CSTPP1: variants seen among roughly 807,000 people sequenced by gnomAD.
CSTPP1 encodes the protein UPF0705 protein C11orf49.
chr11:47,101,386 A>G, the CSTPP1 span, among the ~76,000 whole-genome samples: 25 of 150,982 alleles, frequency 1.7e-4, no homozygotes, highest in East Asian at 4.9e-3. Flanking sequence ...TGACTTGCCA[A>G]CCTCTAATTC....
the CSTPP1 span, among the ~76,000 whole-genome samples, chr11:47,055,820 T>C: frequency 1.3e-5 from 2 of 152,232 alleles, no homozygotes; most frequent in African/African-American, 4.8e-5. Context: ...AAGTACTTAG[T>C]GTACTGAGGA....
the CSTPP1 span, among the ~76,000 whole-genome samples, chr11:46,996,882 C>A: frequency 7.2e-5 from 11 of 152,160 alleles, no homozygotes; most frequent in African/African-American, 2.6e-4. Context: ...GAATATTGGC[C>A]CCCACTCTCT....
the CSTPP1 span, chr11:47,137,908 C>T: frequency 7.9e-6 from 5 of 635,522 alleles, no homozygotes; most frequent in East Asian, 8.3e-5. Flanking sequence ...CAAAGGGAAG[C>T]GAAATGATCC....
At chr11:46,978,005 T>C in the CSTPP1 span, among the ~76,000 whole-genome samples, 1 of 152,220 alleles carries the variant, frequency 6.6e-6, no homozygotes, top group Non-Finnish European at 1.5e-5. Flanking sequence ...GTTTCCCACC[T>C]GGGAGGCACA....
At chr11:47,085,524 C>T in the CSTPP1 span, among the ~76,000 whole-genome samples, 1 of 152,180 alleles carries the variant, frequency 6.6e-6, no homozygotes, top group Admixed American at 6.5e-5. Flanking sequence ...TGCAGTCAAA[C>T]GTAGTTGAGA....
chr11:47,024,078 G>A, the CSTPP1 span, among the ~76,000 whole-genome samples: 1 of 151,200 alleles, frequency 6.6e-6, no homozygotes, highest in Non-Finnish European at 1.5e-5. Context: ...AAGTGAGACA[G>A]GGTCTCACTT....
At chr11:46,950,346 T>G in the CSTPP1 span, among the ~76,000 whole-genome samples, 2 of 151,202 alleles carry the variant, frequency 1.3e-5, no homozygotes, top group Admixed American at 1.3e-4. Context: ...GCTAATTTTT[T>G]GTATTTTTAG....
At chr11:47,047,338 A>G in the CSTPP1 span, among the ~76,000 whole-genome samples, 96 of 152,368 alleles carry the variant, frequency 6.3e-4, no homozygotes, top group Non-Finnish European at 1.1e-3. Context: ...CAACTATAAA[A>G]CTAGCTATGA....
the CSTPP1 span, among the ~76,000 whole-genome samples, chr11:47,046,299 A>G: frequency 6.6e-6 from 1 of 151,800 alleles, no homozygotes; most frequent in African/African-American, 2.4e-5. Context: ...AAAAAAAAAA[A>G]ACTTCTAGAG....
chr11:47,136,998 AGCATT>A, the CSTPP1 span, among the ~76,000 whole-genome samples: 1 of 152,190 alleles, frequency 6.6e-6, no homozygotes, highest in Non-Finnish European at 1.5e-5. Flanking sequence ...CAAAGCACAA[AGCATT>A]GCTTCTGTAT....
chr11:47,031,074 T>C, the CSTPP1 span, among the ~76,000 whole-genome samples: 1 of 152,244 alleles, frequency 6.6e-6, no homozygotes, highest in African/African-American at 2.4e-5. Flanking sequence ...TTCTTGGTAG[T>C]CCCTGAGCTA....
the CSTPP1 span, among the ~76,000 whole-genome samples, chr11:47,002,867 T>C: frequency 6.6e-6 from 1 of 152,226 alleles, no homozygotes; most frequent in Non-Finnish European, 1.5e-5. Flanking sequence ...ATAAATAATA[T>C]GAAGGATCTT....
the CSTPP1 span, among the ~76,000 whole-genome samples, chr11:47,079,948 T>A: frequency 6.6e-6 from 1 of 150,968 alleles, no homozygotes; most frequent in Non-Finnish European, 1.5e-5. Flanking sequence ...ACAAAAAAAT[T>A]TAGCCGGGCA....
chr11:47,049,589 C>CA, the CSTPP1 span, among the ~76,000 whole-genome samples: 3 of 151,862 alleles, frequency 2.0e-5, no homozygotes, highest in Admixed American at 6.5e-5. Context: ...TGCAGTGAGC[C>CA]AAGATGGGGC....
At chr11:47,074,561 G>T in the CSTPP1 span, among the ~76,000 whole-genome samples, 1 of 151,428 alleles carries the variant, frequency 6.6e-6, no homozygotes, top group South Asian at 2.1e-4. Flanking sequence ...GGGAAGGGGG[G>T]AAATTTTCTT....
chr11:47,124,114 CT>C, the CSTPP1 span, among the ~76,000 whole-genome samples: 9 of 63,230 alleles, frequency 1.4e-4, no homozygotes, highest in South Asian at 9.0e-4. Flanking sequence ...AATGGTCTTA[CT>C]TTTTTTTTTT....
At chr11:47,001,920 T>C in the CSTPP1 span, among the ~76,000 whole-genome samples, 1 of 152,180 alleles carries the variant, frequency 6.6e-6, no homozygotes, top group African/African-American at 2.4e-5. Context: ...AGCTTGTAGC[T>C]CTGAATGAGA....
chr11:47,137,422 A>C, the CSTPP1 span: 5 of 1,512,516 alleles, frequency 3.3e-6, no homozygotes, highest in Non-Finnish European at 4.4e-6. Context: ...TCCTTTGGTC[A>C]AAATGGTGTA....
At chr11:47,128,199 A>G in the CSTPP1 span, among the ~76,000 whole-genome samples, 23 of 151,496 alleles carry the variant, frequency 1.5e-4, no homozygotes, top group Non-Finnish European at 2.5e-4. Flanking sequence ...TAACCATTGC[A>G]CTATGTAAGA....
Sources: gnomAD v4.1 joint callset for allele counts (sites outside exome capture counted in the v4.1 genomes callset) on GRCh38, gnomAD v4.1.1 for gene constraint, MANE v1.5 for transcripts, NCBI Gene and HGNC (gene_info 2026-07-23, HGNC 2026-07-21) for gene names.